The following GLG1 variants were observed in gnomAD, a reference collection of about 807,000 sequenced individuals.
GLG1 encodes golgi glycoprotein 1.
A neutral mutation model predicts 160.5 loss-of-function variants in GLG1; 38 were observed. The ratio of observed to expected loss-of-function variants is 0.24; its 90% confidence interval spans 0.18 to 0.31. The LOEUF is 0.31. Among genes scored for constraint, GLG1 ranks in the 10% least tolerant of loss-of-function variants. The pLI is 1.00. For synonymous variants in GLG1, 644 were observed against 543.4 expected (o/e 1.19, Z -2.57); for missense variants, 1,373 against 1,505.2 (o/e 0.91, Z 1.45).
In GLG1 at chr16:74,465,747, G is replaced by C; in HGVS notation, c.2596C>G (p.Leu866Val). 6.2e-7 allele frequency: 1 copy of C among 1,613,136 alleles called. No homozygotes were observed. Among genetic ancestry groups the C allele is most frequent in the Non-Finnish European group, 8.5e-7 (1 of 1,179,138 alleles). ...STRCHQKVFK[L>V]QETEMMDPEL... ...GGGTCCATCATCTCTGTCTCCTGCA[G>C]CTTAAATACTTTTTGGTGGCAGCGG... The change falls in exon 19 of 26, where the codon CTG becomes GTG. Residue 866 changes from leucine (L) to valine (V), a missense_variant. Physicochemically the swap from Leu to Val is conservative, Grantham distance 32. Around this residue, in one of 4 missense-constraint regions of GLG1, gnomAD observed 491 missense variants for 632.1 expected, o/e 0.78. Transcript: ENST00000422840.
At chr16:74,470,809 G>C (rs886735315) in intron 15 of GLG1, among the ~76,000 whole-genome samples, 5 of 151,576 alleles carry the variant, frequency 3.3e-5, no homozygotes, top group Non-Finnish European at 5.9e-5. Context: ...GCCCAGGCTG[G>C]AGCGCAGTGG....
chr16:74,606,170 A>G (rs934393096), intron 1 of GLG1, among the ~76,000 whole-genome samples: 2 of 152,206 alleles, frequency 1.3e-5, no homozygotes, highest in Non-Finnish European at 2.9e-5. Context: ...CAAAGCATAC[A>G]TTAATTTCAG....
In GLG1 at chr16:74,450,821, C is replaced by A. The variant is rs1279277208; in HGVS notation, c.*2346G>T. ...TGAGATCGCGCCACTGCACTGCAGCCTGGGCAACAGAGAGATACTCTGTCT... is the reference window on the plus strand; with the variant it reads ...TGAGATCGCGCCACTGCACTGCAGCATGGGCAACAGAGAGATACTCTGTCT... On this transcript the variant is annotated 3_prime_UTR_variant, in exon 26 of 26. Transcript: ENST00000422840. The A allele has an allele frequency of 2.7e-5, 4 of 150,056 alleles. No homozygotes were observed. Among genetic ancestry groups the A allele is most frequent in the Non-Finnish European group, 4.4e-5 (3 of 67,818 alleles). The allele number at this position is 150,056 out of a possible 1,614,324, so 9.3% of individuals were successfully genotyped here.
At chr16:74,590,808 A>G (rs911365872) in intron 1 of GLG1, among the ~76,000 whole-genome samples, 2 of 150,626 alleles carry the variant, frequency 1.3e-5, no homozygotes, top group Non-Finnish European at 3.0e-5. Flanking sequence ...AAAAAAAAAA[A>G]AAAGAAAAAA....
chr16:74,513,943 T>A (rs1010910837), intron 2 of GLG1, among the ~76,000 whole-genome samples: 4 of 152,128 alleles, frequency 2.6e-5, no homozygotes, highest in Non-Finnish European at 2.9e-5. Context: ...GAGAAGAGCT[T>A]AAATGACCTG....
rs546309457 is a variant in GLG1 at position 74,448,721 on chromosome 16, C to T, written c.*4446G>A. The T allele has an allele frequency of 3.7e-5, 5 of 134,918 alleles. No homozygotes were observed. Among genetic ancestry groups the T allele is most frequent in the Non-Finnish European group, 7.6e-5 (5 of 65,796 alleles). The allele number at this position is 134,918 out of a possible 1,614,324, so 8.4% of individuals were successfully genotyped here. On this transcript the variant is annotated 3_prime_UTR_variant, in exon 26 of 26. Coordinates refer to ENST00000422840, the MANE Select transcript of GLG1 (RefSeq NM_001145667.2). ...GAGCCGAGATTGCGCCACTGCACTCCAGCCTGGGCAACGAGTGAAACTGTG... is the reference window on the plus strand; with the variant it reads ...GAGCCGAGATTGCGCCACTGCACTCTAGCCTGGGCAACGAGTGAAACTGTG...
intron 1 of GLG1, among the ~76,000 whole-genome samples, chr16:74,588,646 T>C (rs1958102827): frequency 6.6e-6 from 1 of 152,032 alleles, no homozygotes; most frequent in Non-Finnish European, 1.5e-5. Context: ...CTCAAACTCC[T>C]AGGCTCAGGA....
In GLG1 at chr16:74,503,733, G is replaced by C; in HGVS notation, c.572C>G (p.Ala191Gly). The change falls in exon 4 of 26, where the codon GCT becomes GGT. Residue 191 changes from alanine to glycine, a missense_variant. By Grantham distance (60) the Ala-to-Gly change is moderately conservative (BLOSUM62 0). Transcript: ENST00000422840. ...KSTITEIKEC[A>G]DEPVGKGYMV... ...GTAACCTTTTCCAACCGGTTCATCA[G>C]CACATTCTTTAATCTGCTCAAAATA... 1 of 1,608,536 alleles carries C rather than the reference G, an allele frequency of 6.2e-7. No homozygotes were observed. The highest frequency in any genetic ancestry group is 8.5e-7 in the Non-Finnish European group (1 of 1,175,002).
chr16:74,485,602 T>C (rs1268360124), intron 9 of GLG1, among the ~76,000 whole-genome samples, 194 bp downstream of exon 9: 1 of 152,238 alleles, frequency 6.6e-6, no homozygotes, highest in Non-Finnish European at 1.5e-5. Context: ...TCTAGGTGTC[T>C]CTATATCATG....
At chr16:74,593,444 T>A (rs1336728129) in intron 1 of GLG1, among the ~76,000 whole-genome samples, 1 of 150,998 alleles carries the variant, frequency 6.6e-6, no homozygotes, top group African/African-American at 2.4e-5. Context: ...TTTTTTTTTT[T>A]TTTTTTGGAG....
At chr16:74,576,912 T>C (rs2019019950) in intron 1 of GLG1, among the ~76,000 whole-genome samples, 1 of 142,238 alleles carries the variant, frequency 7.0e-6, no homozygotes, top group Non-Finnish European at 1.5e-5. Context: ...ATATAAATTC[T>C]AACCACTCCT....
intron 1 of GLG1, among the ~76,000 whole-genome samples, chr16:74,581,460 A>G (rs1190862640): frequency 2.0e-5 from 3 of 151,244 alleles, no homozygotes; most frequent in African/African-American, 7.3e-5. Flanking sequence ...GAGATAAAAA[A>G]TAGAATGGTG....
At chr16:74,465,532 C>T (rs549618729) in intron 19 of GLG1, 144 bp downstream of exon 19, 19 of 786,046 alleles carry the variant, frequency 2.4e-5, no homozygotes, top group South Asian at 1.7e-4. Context: ...CCCAGGAACC[C>T]GCAGGCTCCC....
intron 12 of GLG1, among the ~76,000 whole-genome samples, chr16:74,475,098 A>G (rs1163818160): frequency 6.8e-6 from 1 of 147,662 alleles, no homozygotes; most frequent in African/African-American, 2.5e-5. Context: ...CGGGGGCTGC[A>G]GTAAGCCAGG....
At chr16:74,585,385 G>A (rs1958025379) in intron 1 of GLG1, among the ~76,000 whole-genome samples, 1 of 152,218 alleles carries the variant, frequency 6.6e-6, no homozygotes, top group Admixed American at 6.6e-5. Context: ...CTGCAGCCTG[G>A]GCAACAGAGC....
At position 74,451,579 on chromosome 16, in the gene GLG1, G is replaced by T; in HGVS notation, c.*1588C>A. On this transcript the variant is annotated 3_prime_UTR_variant, in exon 26 of 26. Transcript: ENST00000422840. ...AGCAGAGGCAAGAGTGGGGGGCGCC[G>T]AGGGCAGGCCTTGGTCTACATGGAC... is the stretch of plus-strand genomic sequence containing the variant. The T allele has an allele frequency of 5.9e-6, 1 of 170,036 alleles. No individual in the cohort carries two copies. Among genetic ancestry groups the T allele is most frequent in the South Asian group, 1.5e-4 (1 of 6,728 alleles). The allele number at this position is 170,036 out of a possible 1,614,324, so 10.5% of individuals were successfully genotyped here.
chr16:74,543,576 C>G (rs2017963780), intron 1 of GLG1, among the ~76,000 whole-genome samples: 1 of 152,124 alleles, frequency 6.6e-6, no homozygotes, highest in African/African-American at 2.4e-5. Flanking sequence ...TACATTTCTT[C>G]TTGCTTAGAT....
At chr16:74,569,909 G>A (rs1465868561) in intron 1 of GLG1, among the ~76,000 whole-genome samples, 2 of 149,424 alleles carry the variant, frequency 1.3e-5, no homozygotes, top group African/African-American at 2.5e-5. Context: ...TTGGCCGGGC[G>A]CAATGGCTCA....
chr16:74,503,894 C>A lies in GLG1; in HGVS notation c.559-148G>T. On this transcript the variant is annotated intron_variant, in intron 3 of 25. Coordinates refer to ENST00000422840, the MANE Select transcript of GLG1 (RefSeq NM_001145667.2). ...AAAGAAAAATGCTTAGAAATATATC[C>A]AAGGAAAACATTTAGGAATACATTC... 6.5e-6 allele frequency: 4 copies of A among 617,168 alleles called. No homozygotes were observed. The East Asian group carries it at 1.1e-4, about 17-fold the overall frequency. 38.2% of individuals were successfully genotyped at this position (617,168 alleles called of 1,614,324 possible).
Sources: gnomAD v4.1 joint callset for allele counts (sites outside exome capture counted in the v4.1 genomes callset) on GRCh38, gnomAD v4.1.1 for gene constraint, gnomAD v4.1.1 regional missense constraint, MANE v1.5 for transcripts, NCBI Gene and HGNC (gene_info 2026-07-23, HGNC 2026-07-21) for gene names.